Variants in HOMER2 observed in about 807,000 individuals in gnomAD.
HOMER2 encodes the protein homer protein homolog 2.
Under a neutral mutation model 47.0 loss-of-function variants are expected in HOMER2, and 27 were observed. The ratio of observed to expected loss-of-function variants is 0.57; its 90% CI spans 0.42 to 0.79. The LOEUF (loss-of-function observed/expected upper bound fraction) is 0.79. HOMER2 is among the 30% of genes least tolerant of loss of function. The pLI is 0.00. For missense variants in HOMER2, 443 were observed against 435.0 expected, an observed-to-expected ratio of 1.02 and a Z score of -0.16; for synonymous variants, 161 against 163.8, an observed-to-expected ratio of 0.98 and a Z score of 0.13.
upstream of HOMER2, among the ~76,000 whole-genome samples, chr15:82,954,013 G>T (rs1023988963): frequency 4.9e-4 from 75 of 152,026 alleles, 1 homozygote; most frequent in African/African-American, 1.7e-3. Flanking sequence ...GGAGGCAGGG[G>T]TTGCAGCGAG....
chr15:82,895,478 A>T (rs2052878695), intron 1 of HOMER2, among the ~76,000 whole-genome samples: 1 of 152,230 alleles, frequency 6.6e-6, no homozygotes, highest in Non-Finnish European at 1.5e-5. Flanking sequence ...TGCCACTCTC[A>T]GCCCAGCACC....
At chr15:82,891,982 ATTT>A (rs540273697) in intron 2 of HOMER2, among the ~76,000 whole-genome samples, 1 of 143,480 alleles carries the variant, frequency 7.0e-6, no homozygotes. Flanking sequence ...CAGCAGGTCT[ATTT>A]TTTTTTTTTT....
chr15:82,949,669 G>A (rs955265969), intron 1 of HOMER2, among the ~76,000 whole-genome samples: 1 of 152,212 alleles, frequency 6.6e-6, no homozygotes, highest in African/African-American at 2.4e-5. Flanking sequence ...AGTGAAACAG[G>A]AGAGGGATGT....
intron 1 of HOMER2, among the ~76,000 whole-genome samples, chr15:82,909,403 TC>T (rs1196309777): frequency 6.6e-6 from 1 of 152,140 alleles, no homozygotes; most frequent in Non-Finnish European, 1.5e-5. Flanking sequence ...GACTGCACAG[TC>T]TAAGCTAATT....
chr15:82,875,791 C>T (rs1038815748), intron 2 of HOMER2, among the ~76,000 whole-genome samples: 9 of 152,240 alleles, frequency 5.9e-5, no homozygotes, highest in Non-Finnish European at 7.3e-5. Context: ...CACTATGTCG[C>T]TTTATGAGTC....
chr15:82,930,846 T>C (rs2053987851), intron 1 of HOMER2, among the ~76,000 whole-genome samples: 1 of 152,034 alleles, frequency 6.6e-6, no homozygotes, highest in South Asian at 2.1e-4. Context: ...GCCAACATAA[T>C]GAAACCCCGT....
At chr15:82,926,931 A>G (rs896565212) in intron 1 of HOMER2, among the ~76,000 whole-genome samples, 1 of 152,168 alleles carries the variant, frequency 6.6e-6, no homozygotes, top group Non-Finnish European at 1.5e-5. Context: ...AAGCCAGTAA[A>G]TTTCTGTTCA....
chr15:82,845,221 C>CACACA (rs2051223499), downstream of HOMER2: 3 of 28,390 alleles, frequency 1.1e-4, no homozygotes, highest in African/African-American at 5.8e-4. Context: ...TGTTTCTTCA[C>CACACA]ACACACACAC....
intron 1 of HOMER2, among the ~76,000 whole-genome samples, chr15:82,927,108 G>A (rs907122397): frequency 1.3e-5 from 2 of 152,068 alleles, no homozygotes; most frequent in Non-Finnish European, 2.9e-5. Flanking sequence ...ATATGAATCC[G>A]TGGGGGACAC....
chr15:82,849,959 C>CA, intron 8 of HOMER2, 56 bp from the exon 9 acceptor site: 2 of 1,553,690 alleles, frequency 1.3e-6, no homozygotes, highest in Non-Finnish European at 1.8e-6. Context: ...AGTCATCCTT[C>CA]AAAACCTGCT....
At chr15:82,924,211 G>T (rs1281232581) in intron 1 of HOMER2, among the ~76,000 whole-genome samples, 1 of 152,166 alleles carries the variant, frequency 6.6e-6, no homozygotes, top group Non-Finnish European at 1.5e-5. Flanking sequence ...CTGCTGTGTG[G>T]GTAACGGGTT....
In HOMER2 at chr15:82,952,681, GGCTGCCACT is replaced by G. The variant is rs1045069600; in HGVS notation, c.-155_-147del. On this transcript the variant is annotated 5_prime_UTR_variant, in exon 1 of 9. Coordinates refer to ENST00000450735, the MANE Select transcript of HOMER2 (RefSeq NM_004839.4). Reference sequence around the variant, plus strand: ...GCCGCTCCATTCCGCGGGGCTGCGCGGCTGCCACTGCTGCCACTGCCGCCACCGCCGCCA... The same window carrying G: ...GCCGCTCCATTCCGCGGGGCTGCGCGGCTGCCACTGCCGCCACCGCCGCCA... 9.1e-6 allele frequency: 9 copies of G among 991,424 alleles called. No individual in the cohort carries two copies. The highest frequency in any genetic ancestry group is 1.1e-4 in the East Asian group (1 of 9,098). 61.4% of individuals were successfully genotyped at this position (991,424 alleles called of 1,614,324 possible).
chr15:82,947,220 G>A (rs1405129657), intron 1 of HOMER2, among the ~76,000 whole-genome samples: 1 of 152,146 alleles, frequency 6.6e-6, no homozygotes, highest in African/African-American at 2.4e-5. Context: ...ATCTATTGCA[G>A]TCAACTCAAA....
chr15:82,882,477 C>G (rs2052553363), intron 2 of HOMER2, among the ~76,000 whole-genome samples: 1 of 152,222 alleles, frequency 6.6e-6, no homozygotes, highest in Non-Finnish European at 1.5e-5. Context: ...AGAGCTTGGG[C>G]AATGCTGAGG....
chr15:82,967,531 G>A (rs2054685598), intron 1 of HOMER2, among the ~76,000 whole-genome samples: 1 of 152,028 alleles, frequency 6.6e-6, no homozygotes, highest in African/African-American at 2.4e-5. Flanking sequence ...GTATGTGATG[G>A]TTTATTATGC....
intron 1 of HOMER2, among the ~76,000 whole-genome samples, chr15:82,933,697 G>A (rs2054071654): frequency 6.6e-6 from 1 of 152,202 alleles, no homozygotes; most frequent in African/African-American, 2.4e-5. Context: ...GAGCGGGGCA[G>A]GCCCACTGCC....
chr15:82,965,291 T>G (rs1447966039), intron 1 of HOMER2, among the ~76,000 whole-genome samples: 1 of 152,204 alleles, frequency 6.6e-6, no homozygotes. Flanking sequence ...AGTACTGATG[T>G]TACAGGCATG....
chr15:82,919,740 T>C (rs1244075384), intron 1 of HOMER2, among the ~76,000 whole-genome samples: 2 of 152,222 alleles, frequency 1.3e-5, no homozygotes, highest in Admixed American at 6.5e-5. Flanking sequence ...GCCAGGATTA[T>C]AGTTCTTTCT....
At chr15:82,841,704 G>A (rs1469538047) in exon 2 of HOMER2, 1 of 152,136 alleles carries the variant, frequency 6.6e-6, no homozygotes, top group Non-Finnish European at 1.5e-5. Context: ...TGAAAAAGGC[G>A]AAAGAAATTA....
Sources: gnomAD v4.1 joint callset for allele counts (sites outside exome capture counted in the v4.1 genomes callset) on GRCh38, gnomAD v4.1.1 for gene constraint, MANE v1.5 for transcripts, NCBI Gene and HGNC (gene_info 2026-07-23, HGNC 2026-07-21) for gene names.